The following DLGAP1 variants were observed in gnomAD, a reference collection of about 807,000 sequenced individuals.
DLGAP1 encodes disks large-associated protein 1.
DLGAP1 carries 11 observed loss-of-function variants against 90.8 expected under a neutral mutation model. The observed-to-expected ratio is 0.12, with a 90% CI of 0.08 to 0.20. The LOEUF (loss-of-function observed/expected upper bound fraction) is 0.20. DLGAP1 is among the 10% of genes least tolerant of loss of function. The pLI is 1.00. For synonymous variants in DLGAP1, 558 were observed against 540.7 expected, an observed-to-expected ratio of 1.03 and a Z score of -0.44; for missense variants, 1,050 against 1,333.8, an observed-to-expected ratio of 0.79 and a Z score of 3.31.
intron 1 of DLGAP1, among the ~76,000 whole-genome samples, chr18:4,375,505 T>C (rs987840996): frequency 6.6e-6 from 1 of 152,132 alleles, no homozygotes; most frequent in African/African-American, 2.4e-5. Flanking sequence ...ATAAATAGAT[T>C]TAAGTTTTCG....
chr18:4,211,985 A>C (rs1402630), intron 1 of DLGAP1, among the ~76,000 whole-genome samples: 92,588 of 151,972 alleles, frequency 0.61, 29,124 homozygotes, highest in East Asian at 0.84. Flanking sequence ...TAAAAATACA[A>C]ACATGTCTGT....
At chr18:4,408,991 A>G (rs1263325609) in intron 1 of DLGAP1, among the ~76,000 whole-genome samples, 1 of 151,856 alleles carries the variant, frequency 6.6e-6, no homozygotes, top group Non-Finnish European at 1.5e-5. Flanking sequence ...ACACACACAC[A>G]CACACACACA....
intron 2 of DLGAP1, among the ~76,000 whole-genome samples, chr18:4,046,124 G>A (rs1285344799): frequency 6.6e-6 from 1 of 152,062 alleles, no homozygotes; most frequent in African/African-American, 2.4e-5. Context: ...TATACAAAGG[G>A]GCTAACCAGA....
At chr18:3,952,272 G>C (rs1414827013) in intron 3 of DLGAP1, among the ~76,000 whole-genome samples, 1 of 152,134 alleles carries the variant, frequency 6.6e-6, no homozygotes, top group Non-Finnish European at 1.5e-5. Context: ...TGCCAGATGG[G>C]AAAATATCAA....
At chr18:4,226,680 A>C (rs76339717) in intron 1 of DLGAP1, among the ~76,000 whole-genome samples, 980 of 45,086 alleles carry the variant, frequency 0.022, 7 homozygotes, top group African/African-American at 0.062. Context: ...CTCATGGTAA[A>C]CTCAAAAAAA....
intron 1 of DLGAP1, among the ~76,000 whole-genome samples, chr18:4,331,306 G>A (rs1379047704): frequency 6.6e-6 from 1 of 151,740 alleles, no homozygotes. Flanking sequence ...GTCAGTGAAT[G>A]GGACACAAGA....
intron 2 of DLGAP1, among the ~76,000 whole-genome samples, chr18:4,138,414 C>G (rs1276665663): frequency 6.6e-6 from 1 of 151,942 alleles, no homozygotes; most frequent in African/African-American, 2.4e-5. Context: ...TATTAAGACA[C>G]TATTTGGGCA....
chr18:4,162,685 A>G lies in DLGAP1; in HGVS notation c.-266-11398T>C, dbSNP rs76064288. On this transcript the variant is annotated intron_variant, in intron 1 of 12. Coordinates refer to ENST00000315677, the MANE Select transcript of DLGAP1 (RefSeq NM_004746.4). Reference sequence around the variant, plus strand: ...GTATTAAATTTGCCTCTAAGTCAACATATATCTTCTTCTTGCCAATAATTA... The same window carrying G: ...GTATTAAATTTGCCTCTAAGTCAACGTATATCTTCTTCTTGCCAATAATTA... Among the ~76,000 whole-genome samples the G allele has an allele frequency of 1.4e-3, 209 of 152,268 alleles. 1 individual carries two copies. The East Asian group carries it at 0.032, about 23-fold the overall frequency.
At chr18:4,262,457 A>C (rs1315840892) in intron 1 of DLGAP1, among the ~76,000 whole-genome samples, 1 of 152,238 alleles carries the variant, frequency 6.6e-6, no homozygotes, top group Non-Finnish European at 1.5e-5. Context: ...GTCAGGAATC[A>C]GTGGCCACAC....
chr18:3,817,167 G>A (rs1568183652), intron 4 of DLGAP1, among the ~76,000 whole-genome samples: 1 of 152,208 alleles, frequency 6.6e-6, no homozygotes, highest in African/African-American at 2.4e-5. Context: ...CAATCCTGAT[G>A]TGAAGTTCAT....
intron 7 of DLGAP1, chr18:3,728,004 C>T (rs2147440221): frequency 6.6e-6 from 1 of 152,188 alleles, no homozygotes; most frequent in South Asian, 2.1e-4. Flanking sequence ...ATTATCACCT[C>T]AATTCCATAT....
At chr18:4,361,202 AT>A (rs2081623835) in intron 1 of DLGAP1, among the ~76,000 whole-genome samples, 1 of 152,182 alleles carries the variant, frequency 6.6e-6, no homozygotes, top group South Asian at 2.1e-4. Context: ...AATATATTTT[AT>A]TGATATGTGC....
At chr18:4,037,733 G>A (rs371779690) in intron 2 of DLGAP1, among the ~76,000 whole-genome samples, 1 of 152,316 alleles carries the variant, frequency 6.6e-6, no homozygotes, top group Non-Finnish European at 1.5e-5. Flanking sequence ...GCCAGAGTGG[G>A]TGGATCACCT....
At chr18:3,629,142 T>C (rs913416353) in intron 7 of DLGAP1, among the ~76,000 whole-genome samples, 15 of 152,208 alleles carry the variant, frequency 9.9e-5, no homozygotes, top group Admixed American at 5.9e-4. Context: ...CACTTTATAA[T>C]TTTTTGTGGC....
Position 3,901,452 on chromosome 18 carries a change from G to C in DLGAP1, c.-72-21312C>G, listed in dbSNP as rs552390756. Among the ~76,000 whole-genome samples the C allele has an allele frequency of 7.9e-5, 12 of 152,130 alleles. No homozygotes were observed. In the South Asian group the frequency reaches 2.5e-3, roughly 32 times the overall value. ...CCCGTCCACTGCTTGTCAATAACAA[G>C]CTTTATAATCTCCCAATACTATAAA... On this transcript the variant is annotated intron_variant, in intron 3 of 12. Transcript: ENST00000315677.
At chr18:4,316,890 G>A (rs1358401116) in intron 1 of DLGAP1, among the ~76,000 whole-genome samples, 2 of 152,038 alleles carry the variant, frequency 1.3e-5, no homozygotes, top group Non-Finnish European at 2.9e-5. Flanking sequence ...TTTAGGATAG[G>A]GACATCAATT....
rs554372111 is a variant in DLGAP1 at position 3,629,439 on chromosome 18, A to C, written c.1592-47191T>G. The stretch of plus-strand genomic sequence containing the variant: ...GTAATCCCAGCACTTTGGGAGGCTG[A>C]GGCGGGCGGATCACGAGGTCAGGAG... On this transcript the variant is annotated intron_variant, in intron 7 of 12. Coordinates refer to ENST00000315677, the MANE Select transcript of DLGAP1 (RefSeq NM_004746.4). Among the ~76,000 whole-genome samples, 37 of 152,226 alleles carry C rather than the reference A, an allele frequency of 2.4e-4. 1 individual carries two copies. In the South Asian group the frequency reaches 7.5e-3, roughly 31 times the overall value.
At position 3,563,857 on chromosome 18, in the gene DLGAP1, C is replaced by T. The variant is rs150348559; in HGVS notation, c.2057+3633G>A. Among the ~76,000 whole-genome samples the T allele has an allele frequency of 3.3e-3, 504 of 152,292 alleles. 5 individuals carry two copies. The highest frequency in any genetic ancestry group is 0.014 in the Middle Eastern group (4 of 294). Reference sequence around the variant, plus strand: ...ATCCTCAAGTTTAGACATTAGTGTCCAGTTTACTAGTGAGCCCATCAAAGA... The same window carrying T: ...ATCCTCAAGTTTAGACATTAGTGTCTAGTTTACTAGTGAGCCCATCAAAGA... On this transcript the variant is annotated intron_variant, in intron 9 of 12. Transcript: ENST00000315677.
intron 2 of DLGAP1, among the ~76,000 whole-genome samples, chr18:4,098,006 G>A (rs1031025093): frequency 2.6e-5 from 4 of 152,138 alleles, no homozygotes; most frequent in Non-Finnish European, 5.9e-5. Context: ...CTTGATCTCT[G>A]GGACTCAATC....
Sources: allele counts gnomAD v4.1 joint callset (sites outside exome capture counted in the v4.1 genomes callset), GRCh38; gene constraint gnomAD v4.1.1; transcripts MANE v1.5; gene names NCBI Gene and HGNC (gene_info 2026-07-23, HGNC 2026-07-21).